The following CEACAM16 variants were observed in gnomAD, a reference collection of about 807,000 sequenced individuals.
The protein encoded by CEACAM16 is CEA cell adhesion molecule 16, tectorial membrane component.
A neutral mutation model predicts 39.4 loss-of-function variants in CEACAM16; 30 were observed. The ratio of observed to expected loss-of-function variants is 0.76; its 90% CI spans 0.57 to 1.03. The LOEUF (loss-of-function observed/expected upper bound fraction) is 1.03, where lower values mean the gene tolerates loss of function less well. Ranked by LOEUF, CEACAM16 falls within the 50% of genes least tolerant of loss-of-function variation. The pLI, the probability that CEACAM16 is intolerant of heterozygous loss-of-function variation, is 0.00. For missense variants in CEACAM16, 521 were observed against 585.3 expected (o/e 0.89, Z 1.13); for synonymous variants, 262 against 264.9 (o/e 0.99, Z 0.11).
Position 44,701,434 on chromosome 19 carries a change from CA to C in CEACAM16, c.-21del, listed in dbSNP as rs1455962298. The stretch of plus-strand genomic sequence containing the variant: ...ACTGGGACTTCAACGCCACCATCTC[CA>C]AGACTCGGTTTGGGGTGAAAGATGG... On this transcript the variant is annotated 5_prime_UTR_variant, in exon 2 of 7. An upstream open reading frame in the 5' UTR loses its in-frame stop. Transcript: ENST00000587331. The surrounding 1 kb of genome is among the most constrained non-coding windows in gnomAD (Gnocchi z 4.0). 2 of 1,559,058 alleles carry C rather than the reference CA, an allele frequency of 1.3e-6. No individual in the cohort carries two copies. The highest frequency in any genetic ancestry group is 8.7e-7 in the Non-Finnish European group (1 of 1,150,850).
intron 6 of CEACAM16, 148 bp downstream of exon 6, chr19:44,708,335 C>T (rs901181602): frequency 7.1e-6 from 6 of 844,430 alleles, no homozygotes; most frequent in Admixed American, 3.1e-5. Context: ...CTTGTCTCCT[C>T]CGCCTAACTT....
intron 1 of CEACAM16, 126 bp downstream of exon 1, chr19:44,699,386 G>C: frequency 2.0e-6 from 1 of 488,082 alleles, no homozygotes; most frequent in South Asian, 1.5e-5. Flanking sequence ...AAATTGCCCA[G>C]GGTCCTGGAG....
At position 44,704,016 on chromosome 19, in the gene CEACAM16, A is replaced by G. The variant is rs1208062479; in HGVS notation, c.383-2A>G. ...CTCCCCCTCTGTCTCTTGCCCCCAC[A>G]GAGATCCTGGCCCAGCCCACAGTCT... On this transcript the variant is annotated splice_acceptor_variant, in intron 3 of 6. Coordinates refer to ENST00000587331, the MANE Select transcript of CEACAM16 (RefSeq NM_001039213.4). LOFTEE classifies it high-confidence loss of function. 3.8e-6 allele frequency: 6 copies of G among 1,582,936 alleles called. No individual in the cohort carries two copies. The highest frequency in any genetic ancestry group is 5.2e-6 in the Non-Finnish European group (6 of 1,158,876).
At position 44,703,427 on chromosome 19, in the gene CEACAM16, T is replaced by A. The variant is rs375722926; in HGVS notation, c.116T>A (p.Leu39Gln). 4.8e-5 allele frequency: 78 copies of A among 1,613,712 alleles called. No homozygotes were observed. The African/African-American group carries it at 8.4e-4, about 17-fold the overall frequency. ...CCGAGCGAAGGGGACAACGTCACGC[T>A]GGTCGTCCATGGGCTTTCGGGGGAA... ...AQPSEGDNVT[L>Q]VVHGLSGELL... The change falls in exon 3 of 7, where the codon CTG becomes CAG. Residue 39 changes from leucine to glutamine, a missense_variant. Transcript: ENST00000587331.
At chr19:44,703,299 G>T (rs772513418) in intron 2 of CEACAM16, 50 bp from the exon 3 acceptor site, 5 of 1,513,852 alleles carry the variant, frequency 3.3e-6, no homozygotes, top group Non-Finnish European at 4.5e-6. Context: ...GTCAAATGGG[G>T]CGATTGATCA....
In CEACAM16 at chr19:44,701,282, C is replaced by G; in HGVS notation, c.-96-79C>G. On this transcript the variant is annotated intron_variant, in intron 1 of 6. Coordinates refer to ENST00000587331, the MANE Select transcript of CEACAM16 (RefSeq NM_001039213.4). The surrounding 1 kb of genome is among the most constrained non-coding windows in gnomAD (Gnocchi z 4.0). Reference sequence around the variant, plus strand: ...GCCACACCCACCCTGGTACCCAAACCGGGCCCCAGATCCTTGGTGACTCGA... The same window carrying G: ...GCCACACCCACCCTGGTACCCAAACGGGGCCCCAGATCCTTGGTGACTCGA... 5.3e-6 allele frequency: 4 copies of G among 751,292 alleles called. No homozygotes were observed. The highest frequency in any genetic ancestry group is 4.1e-5 in the Admixed American group (2 of 48,288). The allele number at this position is 751,292 out of a possible 1,614,324, so 46.5% of individuals were successfully genotyped here. A position where few individuals can be genotyped will look rare whatever the true frequency, so the allele number is the denominator to read the frequency against.
Position 44,707,911 on chromosome 19 carries a change from G to C in CEACAM16, c.991G>C (p.Gly331Arg), listed in dbSNP as rs1261269250. The C allele has an allele frequency of 6.4e-7, 1 of 1,574,490 alleles. No individual in the cohort carries two copies. The highest frequency in any genetic ancestry group is 1.7e-5 in the Admixed American group (1 of 57,926). Residue 331 changes from glycine (G) to arginine (R), a missense_variant, in exon 6 of 7, where the codon GGC becomes CGC. Physicochemically the swap from Gly to Arg is moderately radical, Grantham distance 125 (BLOSUM62 -2). Transcript: ENST00000587331. ...IVPVPTKPTE[G>R]QDVTLTVQGY... ...GCCCGTGCCCACCAAGCCAACGGAG[G>C]GCCAGGACGTAACACTGACCGTGCA... is the stretch of plus-strand genomic sequence containing the variant.
rs1354042898 is a variant in CEACAM16, at chr19:44,701,066, C to G, written c.-96-295C>G. On this transcript the variant is annotated intron_variant, in intron 1 of 6. Transcript: ENST00000587331. This position sits in a 1 kb window ranked among gnomAD's most constrained non-coding sequence, Gnocchi z 4.0. ...TTACTGATTTTCTTCCTTGGTGACTCCCAGGCTCTCTGAGGAGGCCACGGG... is the reference window on the plus strand; with the variant it reads ...TTACTGATTTTCTTCCTTGGTGACTGCCAGGCTCTCTGAGGAGGCCACGGG... Among the ~76,000 whole-genome samples the G allele has an allele frequency of 6.6e-6, 1 of 152,218 alleles. No homozygotes were observed. Among genetic ancestry groups the G allele is most frequent in the African/African-American group, 2.4e-5 (1 of 41,460 alleles).
chr19:44,708,025 A>C lies in CEACAM16; in HGVS notation c.1105A>C (p.Thr369Pro). Residue 369 changes from threonine (T) to proline (P), a missense_variant, in exon 6 of 7, where the codon ACC (threonine) becomes CCC (proline). Transcript: ENST00000587331. ...GCTGCTCAGCCAGCTGCCGTCAGGA[A>C]CCTGGATTGCAGGCCCCGCGCACAC... Reference protein sequence around the residue: ...NRLLSQLPSGTWIAGPAHTGR... With the variant: ...NRLLSQLPSGPWIAGPAHTGR... 1 of 1,612,052 alleles carries C rather than the reference A, an allele frequency of 6.2e-7. No homozygotes were observed. The highest frequency in any genetic ancestry group is 8.5e-7 in the Non-Finnish European group (1 of 1,179,380).
At position 44,704,210 on chromosome 19, in the gene CEACAM16, G is replaced by T. The variant is rs544948409; in HGVS notation, c.575G>T (p.Arg192Leu). Reference sequence around the variant, plus strand: ...CGGGTGCTGGCCAGGCATGGCATCCGCCGGGAGGAGGCCGGCGCCTATCAG... The same window carrying T: ...CGGGTGCTGGCCAGGCATGGCATCCTCCGGGAGGAGGCCGGCGCCTATCAG... ...DGRVLARHGI[R>L]REEAGAYQCE... The change falls in exon 4 of 7, where the codon CGC becomes CTC. Residue 192 changes from arginine (R) to leucine (L), a missense_variant. Arg to Leu is a moderately radical substitution (Grantham distance 102). Transcript: ENST00000587331. 4 of 1,554,856 alleles carry T rather than the reference G, an allele frequency of 2.6e-6. No homozygotes were observed. Among genetic ancestry groups the T allele is most frequent in the East Asian group, 2.4e-5 (1 of 41,302 alleles).
intron 5 of CEACAM16, among the ~76,000 whole-genome samples, chr19:44,706,269 T>TATACAC (rs1339317423): frequency 1.5e-5 from 2 of 132,616 alleles, no homozygotes; most frequent in East Asian, 2.2e-4. Flanking sequence ...ATGATGGGTA[T>TATACAC]ACACACACAC....
intron 3 of CEACAM16, 48 bp downstream of exon 3, chr19:44,703,741 T>C: frequency 1.6e-6 from 2 of 1,286,858 alleles, no homozygotes; most frequent in Non-Finnish European, 2.1e-6. Context: ...GGCCTTCCCA[T>C]CTCCTTCTCA....
chr19:44,704,946 A>G (rs559102685), intron 4 of CEACAM16, among the ~76,000 whole-genome samples: 6 of 152,268 alleles, frequency 3.9e-5, no homozygotes, highest in Admixed American at 6.5e-5. Context: ...AAATTTAACA[A>G]CATAACCAAA....
chr19:44,702,319 C>T (rs1259924950), intron 2 of CEACAM16, among the ~76,000 whole-genome samples: 1 of 151,882 alleles, frequency 6.6e-6, no homozygotes, highest in Non-Finnish European at 1.5e-5. Context: ...CCCAAACCAC[C>T]TATGAGGGAG....
chr19:44,706,154 A>G (rs1193876131), intron 5 of CEACAM16, among the ~76,000 whole-genome samples: 1 of 152,028 alleles, frequency 6.6e-6, no homozygotes, highest in Non-Finnish European at 1.5e-5. Flanking sequence ...CTCTAAATTC[A>G]GTCACCAGCT....
rs780034057 is a variant in CEACAM16, at chr19:44,704,158, C to G, written c.523C>G (p.Leu175Val). Residue 175 changes from leucine to valine, a missense_variant, in exon 4 of 7, where the codon CTC becomes GTC. Leu to Val is a conservative substitution (Grantham distance 32, BLOSUM62 1). Transcript: ENST00000587331. ...CAACGGTGGGGCCCTGCCCGTCGCT[C>G]TCCGCCTGGGCCTGTCCCCTGACGG... ...FFNGGALPVA[L>V]RLGLSPDGRV... is the part of the protein sequence containing the mutation. 6.3e-6 allele frequency: 10 copies of G among 1,587,798 alleles called. No homozygotes were observed. Among genetic ancestry groups the G allele is most frequent in the South Asian group, 3.4e-5 (3 of 87,296 alleles).
At chr19:44,699,811 G>A (rs1974315947) in intron 1 of CEACAM16, among the ~76,000 whole-genome samples, 1 of 152,268 alleles carries the variant, frequency 6.6e-6, no homozygotes. Context: ...CTGAAGTAGG[G>A]TCCATATCAT....
At chr19:44,704,618 G>C (rs1568527790) in intron 4 of CEACAM16, among the ~76,000 whole-genome samples, 1 of 152,128 alleles carries the variant, frequency 6.6e-6, no homozygotes, top group African/African-American at 2.4e-5. Flanking sequence ...TGTAGTCCCA[G>C]CCACTCAGGA....
At position 44,701,209 on chromosome 19, in the gene CEACAM16, C is replaced by T. The variant is rs1300387497; in HGVS notation, c.-96-152C>T. On this transcript the variant is annotated intron_variant, in intron 1 of 6. Coordinates refer to ENST00000587331, the MANE Select transcript of CEACAM16 (RefSeq NM_001039213.4). The surrounding 1 kb of genome is among the most constrained non-coding windows in gnomAD (Gnocchi z 4.0). ...GGCCCTCGGCACAAAGAGGGTTAGG[C>T]GGCTGCCCCAGGAGGCCTGCCCAGG... Among the ~76,000 whole-genome samples the T allele has an allele frequency of 5.3e-5, 8 of 152,266 alleles. No individual in the cohort carries two copies. In the South Asian group the frequency reaches 1.0e-3, roughly 20 times the overall value.
Sources: allele counts gnomAD v4.1 joint callset (sites outside exome capture counted in the v4.1 genomes callset), GRCh38; gene constraint gnomAD v4.1.1; non-coding constraint Gnocchi (gnomAD v3.1); transcripts MANE v1.5; gene names NCBI Gene and HGNC (gene_info 2026-07-23, HGNC 2026-07-21).